LRRC17: variants seen among roughly 807,000 people sequenced by gnomAD.
LRRC17 encodes leucine rich repeat containing 17.
Under a neutral mutation model 41.5 loss-of-function variants are expected in LRRC17, and 33 were observed. The observed-to-expected ratio is 0.80, with a 90% CI of 0.60 to 1.06. The LOEUF is 1.06. Among genes scored for constraint, LRRC17 ranks in the 50% least tolerant of loss-of-function variants. LRRC17 has a pLI of 0.00. For missense variants in LRRC17, 491 were observed against 519.3 expected, an observed-to-expected ratio of 0.95 and a Z score of 0.53; for synonymous variants, 192 against 197.0, an observed-to-expected ratio of 0.97 and a Z score of 0.21.
intron 1 of LRRC17, among the ~76,000 whole-genome samples, chr7:102,921,944 A>G (rs1257225676): frequency 6.6e-6 from 1 of 152,066 alleles, no homozygotes; most frequent in East Asian, 1.9e-4. Flanking sequence ...TAATCCCAGC[A>G]CTTTGGGAGG....
At chr7:102,918,020 GACAA>G (rs1416089564) in intron 1 of LRRC17, among the ~76,000 whole-genome samples, 9 of 152,122 alleles carry the variant, frequency 5.9e-5, no homozygotes, top group Non-Finnish European at 1.0e-4. Flanking sequence ...TGTTGCCAAG[GACAA>G]ACAAATTACA....
In LRRC17 at chr7:102,934,615, G is replaced by A. The variant is rs773193596; in HGVS notation, c.702G>A (p.Lys234=). Residue 234 remains lysine (K), a synonymous_variant, in exon 2 of 4, where the codon AAG becomes AAA. Transcript: ENST00000339431. ...TGTCAGGGAGACCCCCAGTCATCAAGCCTGAGGTGGACTCAACTTTTTGCC... is the reference window on the plus strand; with the variant it reads ...TGTCAGGGAGACCCCCAGTCATCAAACCTGAGGTGGACTCAACTTTTTGCC... ...PQVSGRPPVI[K]PEVDSTFCHN... 1.7e-5 allele frequency: 27 copies of A among 1,612,208 alleles called. No individual in the cohort carries two copies. Among genetic ancestry groups the A allele is most frequent in the Non-Finnish European group, 2.3e-5 (27 of 1,179,592 alleles).
intron 1 of LRRC17, 157 bp downstream of exon 1, chr7:102,913,302 T>C (rs922409640): frequency 1.3e-6 from 2 of 1,509,130 alleles, no homozygotes; most frequent in Non-Finnish European, 1.8e-6. Context: ...AAGAAAACTG[T>C]AAATTCAACT....
chr7:102,940,548 A>AT (rs991334859), intron 3 of LRRC17, among the ~76,000 whole-genome samples: 54 of 152,076 alleles, frequency 3.6e-4, no homozygotes, highest in Middle Eastern at 3.4e-3. Flanking sequence ...CAAATTTGGA[A>AT]TTTTTTTTGC....
intron 1 of LRRC17, chr7:102,931,856 A>G: frequency 6.2e-7 from 1 of 1,608,408 alleles, no homozygotes; most frequent in South Asian, 1.1e-5. Context: ...TATAAACAGC[A>G]GTAAAAATGG....
At chr7:102,923,894 T>G (rs931883656) in intron 1 of LRRC17, among the ~76,000 whole-genome samples, 1 of 152,000 alleles carries the variant, frequency 6.6e-6, no homozygotes, top group African/African-American at 2.4e-5. Flanking sequence ...GATAAAAATT[T>G]TATTCAATAA....
chr7:102,928,349 T>C (rs772961537), intron 1 of LRRC17, among the ~76,000 whole-genome samples: 1 of 152,250 alleles, frequency 6.6e-6, no homozygotes, highest in Non-Finnish European at 1.5e-5. Context: ...GAATGACTTA[T>C]GAATTTGTCC....
intron 1 of LRRC17, among the ~76,000 whole-genome samples, chr7:102,922,655 T>C (rs1380750339): frequency 1.3e-5 from 2 of 152,186 alleles, no homozygotes; most frequent in Non-Finnish European, 2.9e-5. Flanking sequence ...CTTATAAATG[T>C]AGCCAGCCAA....
Position 102,919,353 on chromosome 7 carries a change from AC to A in LRRC17, c.-141+6209del, listed in dbSNP as rs1816534587. 2.0e-5 allele frequency among the ~76,000 whole-genome samples: 3 copies of A among 152,348 alleles called. 1 individual carries two copies. In the South Asian group the frequency reaches 6.2e-4, roughly 32 times the overall value. On this transcript the variant is annotated intron_variant, in intron 1 of 3. Coordinates refer to ENST00000339431, the MANE Select transcript of LRRC17 (RefSeq NM_001031692.3). ...ATGATGAAAGAGACAACTTTGAAGG[AC>A]AGGAATAAAATCGGATCTAAAAATA...
At chr7:102,941,654 T>C (rs939527230) in intron 3 of LRRC17, among the ~76,000 whole-genome samples, 2 of 151,988 alleles carry the variant, frequency 1.3e-5, no homozygotes, top group African/African-American at 4.8e-5. Context: ...ATTCCAAAGG[T>C]CCTTGGGCAA....
intron 2 of LRRC17, among the ~76,000 whole-genome samples, chr7:102,939,134 C>T (rs1820895830): frequency 6.6e-6 from 1 of 152,120 alleles, no homozygotes; most frequent in East Asian, 1.9e-4. Flanking sequence ...TTTCTAGAAC[C>T]TAGGAGGTTC....
intron 3 of LRRC17, among the ~76,000 whole-genome samples, chr7:102,942,731 AT>A (rs1050566659): frequency 1.3e-5 from 2 of 152,086 alleles, no homozygotes; most frequent in Admixed American, 1.3e-4. Flanking sequence ...ATAGAAAGTT[AT>A]TTTTTTAAGG....
At position 102,913,106 on chromosome 7, in the gene LRRC17, C is replaced by T. The variant is rs78663338; in HGVS notation, c.-180C>T. The T allele has an allele frequency of 6.2e-7, 1 of 1,614,036 alleles. No homozygotes were observed. The highest frequency in any genetic ancestry group is 1.7e-5 in the Admixed American group (1 of 60,008). ...CAAACCTGGGTGCAGCCAGAGAGGTCCAGATAGATGAGCTTGTGGCATCCA... is the reference window on the plus strand; with the variant it reads ...CAAACCTGGGTGCAGCCAGAGAGGTTCAGATAGATGAGCTTGTGGCATCCA... On this transcript the variant is annotated 5_prime_UTR_variant, in exon 1 of 4. Coordinates refer to ENST00000339431, the MANE Select transcript of LRRC17 (RefSeq NM_001031692.3).
At chr7:102,917,451 A>C (rs1816129537) in intron 1 of LRRC17, among the ~76,000 whole-genome samples, 1 of 152,192 alleles carries the variant, frequency 6.6e-6, no homozygotes, top group Non-Finnish European at 1.5e-5. Flanking sequence ...CATGGTGAAC[A>C]AGTGAAAGAA....
chr7:102,929,267 C>T (rs1000178607), intron 1 of LRRC17, among the ~76,000 whole-genome samples: 1 of 152,122 alleles, frequency 6.6e-6, no homozygotes, highest in Non-Finnish European at 1.5e-5. Flanking sequence ...TCAAAGTGCT[C>T]AGTTCTAAAA....
At chr7:102,923,876 CAT>C (rs1480663735) in intron 1 of LRRC17, among the ~76,000 whole-genome samples, 1 of 152,064 alleles carries the variant, frequency 6.6e-6, no homozygotes, top group South Asian at 2.1e-4. Context: ...AGGAATCACA[CAT>C]GATTTGATAA....
Position 102,944,337 on chromosome 7 carries a change from G to C in LRRC17, c.1056G>C (p.Trp352Cys). 6.2e-7 allele frequency: 1 copy of C among 1,614,054 alleles called. No homozygotes were observed. Among genetic ancestry groups the C allele is most frequent in the Non-Finnish European group, 8.5e-7 (1 of 1,179,964 alleles). The part of the protein sequence containing the change: ...LKLLWLRDNP[W>C]RCDYNIHYLY... ...TCTTGTGGCTCAGAGATAACCCTTG[G>C]AGATGTGACTACAACATTCACTACC... Residue 352 changes from tryptophan (W) to cysteine (C), a missense_variant, in exon 4 of 4, where the codon TGG (tryptophan) becomes TGC (cysteine). Transcript: ENST00000339431.
At chr7:102,938,209 A>G (rs560519074) in intron 2 of LRRC17, among the ~76,000 whole-genome samples, 15 of 152,244 alleles carry the variant, frequency 9.9e-5, no homozygotes, top group South Asian at 2.1e-4. Flanking sequence ...TTAGCTTCAC[A>G]TTGACCAGAA....
rs190727500 is a variant in LRRC17 at position 102,924,867 on chromosome 7, G to A, written c.-140-8907G>A. On this transcript the variant is annotated intron_variant, in intron 1 of 3. Coordinates refer to ENST00000339431, the MANE Select transcript of LRRC17 (RefSeq NM_001031692.3). ...CATGGTCTCAATCTCCTGACCTCATGATCCACCCGCCCCGGCCTCCCAAAG... is the reference window on the plus strand; with the variant it reads ...CATGGTCTCAATCTCCTGACCTCATAATCCACCCGCCCCGGCCTCCCAAAG... Among the ~76,000 whole-genome samples, 565 of 151,962 alleles carry A rather than the reference G, an allele frequency of 3.7e-3. 5 individuals are homozygous for A. The highest frequency in any genetic ancestry group is 0.013 in the African/African-American group (558 of 41,486).
Sources: allele counts gnomAD v4.1 joint callset (sites outside exome capture counted in the v4.1 genomes callset), GRCh38; gene constraint gnomAD v4.1.1; transcripts MANE v1.5; gene names NCBI Gene and HGNC (gene_info 2026-07-23, HGNC 2026-07-21).